Variants in PRMT2 observed in about 807,000 individuals in gnomAD.
PRMT2 encodes protein arginine N-methyltransferase 2.
PRMT2 carries 26 observed loss-of-function variants against 57.6 expected under a neutral mutation model. The ratio of observed to expected loss-of-function variants is 0.45; its 90% confidence interval spans 0.33 to 0.63. The LOEUF (loss-of-function observed/expected upper bound fraction) is 0.63. Among genes scored for constraint, PRMT2 ranks in the 20% least tolerant of loss-of-function variants. PRMT2 has a pLI of 0.02. For missense variants in PRMT2, 472 were observed against 564.4 expected (o/e 0.84, Z 1.66); for synonymous variants, 219 against 220.0 (o/e 1.00, Z 0.04).
intron 3 of PRMT2, among the ~76,000 whole-genome samples, chr21:46,639,561 G>C (rs1401114285): frequency 6.6e-6 from 1 of 151,334 alleles, no homozygotes; most frequent in East Asian, 1.9e-4. Context: ...TAGATTAATT[G>C]ACCTTATTTT....
intron 7 of PRMT2, chr21:46,654,915 ATGTATGTACATAGAG>A: frequency 2.0e-6 from 2 of 984,040 alleles, no homozygotes; most frequent in South Asian, 9.4e-5. Context: ...TTCTCCCTCT[ATGTATGTACATAGAG>A]TGTACATACA....
chr21:46,661,971 TG>T (rs1223550114), intron 10 of PRMT2, 35 bp downstream of exon 10: 9 of 102,890 alleles, frequency 8.7e-5, no homozygotes, highest in Non-Finnish European at 8.7e-5. Context: ...GGGTGCGGGG[TG>T]GGGGGCAGGG....
chr21:46,651,787 C>T, intron 7 of PRMT2: 1 of 1,612,618 alleles, frequency 6.2e-7, no homozygotes. Context: ...TTGTACCCAC[C>T]TTCACTTTCC....
intron 10 of PRMT2, 73 bp downstream of exon 10, chr21:46,662,009 G>GCGCAGGAGGGGGTGGGGCA (rs1569165903): frequency 4.0e-6 from 1 of 251,636 alleles, no homozygotes; most frequent in African/African-American, 3.0e-5. Context: ...GGGATGGGGC[G>GCGCAGGAGGGGGTGGGGCA]CGCAGGAGGG....
Position 46,653,787 on chromosome 21 carries a change from A to G in PRMT2, c.654+4048A>G, listed in dbSNP as rs565249345. 5 of 1,095,542 alleles carry G rather than the reference A, an allele frequency of 4.6e-6. No homozygotes were observed. In the South Asian group the frequency reaches 1.2e-4, roughly 26 times the overall value. The allele number at this position is 1,095,542 out of a possible 1,614,324, so 67.9% of individuals were successfully genotyped here. On this transcript the variant is annotated intron_variant, in intron 7 of 11. Coordinates refer to ENST00000355680, the MANE Select transcript of PRMT2 (RefSeq NM_206962.4). ...CTTGCCTCATACAAAGTACAGAGAC[A>G]TCTTTTTCAGGAAACATTGCCACCA...
At chr21:46,652,416 A>G in intron 7 of PRMT2, 1 of 1,060,010 alleles carries the variant, frequency 9.4e-7, no homozygotes, top group Non-Finnish European at 1.1e-6. Flanking sequence ...AGTTGCAATA[A>G]GAAAAGCATA....
chr21:46,644,607 GC>G, intron 5 of PRMT2, 119 bp downstream of exon 5: 1 of 1,000,250 alleles, frequency 1.0e-6, no homozygotes, highest in Non-Finnish European at 1.4e-6. Context: ...CTCTGTTGTA[GC>G]CACTCAGCTC....
intron 11 of PRMT2, 101 bp downstream of exon 11, chr21:46,663,655 TC>T (rs2061663833): frequency 1.6e-6 from 2 of 1,232,178 alleles, no homozygotes; most frequent in East Asian, 5.0e-5. Flanking sequence ...CACACTGGGG[TC>T]CACGCCTTTT....
At chr21:46,638,708 A>G (rs892866530) in intron 3 of PRMT2, among the ~76,000 whole-genome samples, 6 of 152,234 alleles carry the variant, frequency 3.9e-5, no homozygotes, top group African/African-American at 1.4e-4. Context: ...GTAGTATTTC[A>G]GTAATACTTG....
At chr21:46,661,138 T>TTTCCTTG in intron 9 of PRMT2, 176 bp downstream of exon 9, 1 of 593,094 alleles carries the variant, frequency 1.7e-6, no homozygotes, top group Non-Finnish European at 2.7e-6. Flanking sequence ...TTTTTTCCAG[T>TTTCCTTG]CTTTTTTCTT....
intron 10 of PRMT2, among the ~76,000 whole-genome samples, chr21:46,663,167 C>T (rs1041764658): frequency 2.6e-5 from 4 of 152,222 alleles, no homozygotes; most frequent in South Asian, 2.1e-4. Flanking sequence ...CAGTGTATCC[C>T]ATAGAGTCCC....
At chr21:46,640,838 C>G (rs2061259350) in intron 3 of PRMT2, among the ~76,000 whole-genome samples, 1 of 151,190 alleles carries the variant, frequency 6.6e-6, no homozygotes, top group Non-Finnish European at 1.5e-5. Context: ...TTTGACATGT[C>G]TCATGCTCTA....
chr21:46,646,188 G>A (rs959711801), intron 5 of PRMT2, among the ~76,000 whole-genome samples: 2 of 152,186 alleles, frequency 1.3e-5, no homozygotes, highest in East Asian at 3.9e-4. Flanking sequence ...AGGTATAGAG[G>A]TGTTTGCTAT....
In PRMT2 at chr21:46,660,915, A is replaced by C; in HGVS notation, c.913A>C (p.Thr305Pro). Residue 305 changes from threonine (T) to proline (P), a missense_variant, in exon 9 of 12, where the codon ACT becomes CCT. By Grantham distance (38) the Thr-to-Pro change is conservative. Transcript: ENST00000355680. ...KPEDCLSEPC[T>P]ILQLDMRTVQ... ...AGAAGACTGTCTCTCTGAACCGTGC[A>C]CTATATTGCAGTTGGACATGAGAAC... 1.2e-6 allele frequency: 2 copies of C among 1,613,548 alleles called. No homozygotes were observed. The highest frequency in any genetic ancestry group is 2.2e-5 in the South Asian group (2 of 91,070).
chr21:46,652,329 T>C (rs1601940502), intron 7 of PRMT2: 38 of 1,215,766 alleles, frequency 3.1e-5, no homozygotes, highest in Non-Finnish European at 3.8e-5. Context: ...TTCCCCTTCA[T>C]ACATTAGCAC....
At position 46,664,321 on chromosome 21, in the gene PRMT2, G is replaced by T. The variant is rs1157295769; in HGVS notation, c.1296G>T (p.Trp432Cys). 1 of 1,613,962 alleles carries T rather than the reference G, an allele frequency of 6.2e-7. No homozygotes were observed. Among genetic ancestry groups the T allele is most frequent in the African/African-American group, 1.3e-5 (1 of 74,918 alleles). The change falls in exon 12 of 12, where the codon TGG becomes TGT. Residue 432 changes from tryptophan (W) to cysteine (C), a missense_variant. Physicochemically the swap from Trp to Cys is radical, Grantham distance 215. Coordinates refer to ENST00000355680, the MANE Select transcript of PRMT2 (RefSeq NM_206962.4). ...TTGGAGAAAAAGTCTTCCCCATCTG[G>T]AGATGACAGTTGATGCTTTATTTGG... ...QKVGEKVFPI[W>C]R
intron 3 of PRMT2, among the ~76,000 whole-genome samples, chr21:46,640,717 TAA>T (rs2061257683): frequency 6.6e-6 from 1 of 151,730 alleles, no homozygotes; most frequent in Non-Finnish European, 1.5e-5. Flanking sequence ...TTTTTTTTTT[TAA>T]TTTTGGAAAA....
rs1569164579 is a variant in PRMT2 at position 46,660,735 on chromosome 21, C to T, written c.831-98C>T. 1.5e-5 allele frequency: 21 copies of T among 1,447,130 alleles called. 1 individual carries two copies. Among genetic ancestry groups the T allele is most frequent in the East Asian group, 9.3e-5 (4 of 42,900 alleles). 89.6% of individuals were successfully genotyped at this position (1,447,130 alleles called of 1,614,324 possible). A position where few individuals can be genotyped will look rare whatever the true frequency, so the allele number is the denominator to read the frequency against. On this transcript the variant is annotated intron_variant, in intron 8 of 11. Transcript: ENST00000355680. ...AGATAGTGGCTTAGCATCCTGGTGACACAGAAGGGAGAGCACTCACCGCGG... is the reference window on the plus strand; with the variant it reads ...AGATAGTGGCTTAGCATCCTGGTGATACAGAAGGGAGAGCACTCACCGCGG...
At chr21:46,653,212 A>G in intron 7 of PRMT2, 1 of 985,450 alleles carries the variant, frequency 1.0e-6, no homozygotes, top group Non-Finnish European at 1.2e-6. Context: ...ACAAAGATGT[A>G]ATAATTCTCT....
Sources: allele counts gnomAD v4.1 joint callset (sites outside exome capture counted in the v4.1 genomes callset), GRCh38; gene constraint gnomAD v4.1.1; transcripts MANE v1.5; gene names NCBI Gene and HGNC (gene_info 2026-07-23, HGNC 2026-07-21).